Variants in GPC5 observed in about 807,000 individuals in gnomAD.
GPC5 encodes the protein glypican 5.
In GPC5, 47 loss-of-function variants were observed where a neutral mutation model predicts 53.9. That is an observed-to-expected ratio of 0.87 (90% confidence interval 0.69 to 1.11). The LOEUF is 1.11. GPC5 is among the 50% of genes most tolerant of loss of function. GPC5 has a pLI of 0.00. For synonymous variants in GPC5, 286 were observed against 263.3 expected (o/e 1.09, Z -0.84); for missense variants, 748 against 713.1 (o/e 1.05, Z -0.56).
chr13:92,035,500 A>G (rs2040885781), intron 6 of GPC5, among the ~76,000 whole-genome samples: 3 of 152,106 alleles, frequency 2.0e-5, no homozygotes, highest in Admixed American at 6.6e-5. Flanking sequence ...TGTTTGTGTC[A>G]GTTCTCCCAC....
At chr13:92,697,028 G>A (rs1372222009) in intron 7 of GPC5, among the ~76,000 whole-genome samples, 1 of 151,834 alleles carries the variant, frequency 6.6e-6, no homozygotes, top group African/African-American at 2.4e-5. Flanking sequence ...CATGATTTCT[G>A]AGGCCTCTGT....
chr13:91,870,793 T>C (rs2039135683), intron 5 of GPC5, among the ~76,000 whole-genome samples: 1 of 152,234 alleles, frequency 6.6e-6, no homozygotes, highest in Non-Finnish European at 1.5e-5. Context: ...GCTTAAACAT[T>C]GACATGTTAG....
intron 7 of GPC5, among the ~76,000 whole-genome samples, chr13:92,596,514 G>A (rs997712531): frequency 7.9e-5 from 12 of 151,486 alleles, no homozygotes; most frequent in African/African-American, 1.7e-4. Flanking sequence ...TCACTCTGTC[G>A]CCAGGCTGGA....
At chr13:92,497,083 T>G (rs1165417320) in intron 7 of GPC5, among the ~76,000 whole-genome samples, 1 of 152,216 alleles carries the variant, frequency 6.6e-6, no homozygotes, top group East Asian at 1.9e-4. Context: ...TAATTTCTTT[T>G]GCTGTGCAGA....
At chr13:91,718,606 A>C (rs958129860) in intron 3 of GPC5, among the ~76,000 whole-genome samples, 4 of 151,344 alleles carry the variant, frequency 2.6e-5, no homozygotes, top group African/African-American at 9.9e-5. Context: ...GAAAATTATT[A>C]TATTTTCTTG....
chr13:92,769,454 C>T (rs1479555034), intron 7 of GPC5, among the ~76,000 whole-genome samples: 1 of 151,556 alleles, frequency 6.6e-6, no homozygotes, highest in East Asian at 1.9e-4. Flanking sequence ...GTTGGCTGGG[C>T]CTGGTGGATA....
intron 7 of GPC5, among the ~76,000 whole-genome samples, chr13:92,590,777 GTTTA>G (rs1883688410): frequency 1.3e-5 from 2 of 152,192 alleles, no homozygotes; most frequent in Admixed American, 6.5e-5. Flanking sequence ...TCCTTGTTGA[GTTTA>G]TTTATTGAGC....
chr13:92,089,014 A>G (rs1277634444), intron 6 of GPC5, among the ~76,000 whole-genome samples: 1 of 152,204 alleles, frequency 6.6e-6, no homozygotes, highest in East Asian at 1.9e-4. Context: ...TTTATCTAGA[A>G]AAATGTCACT....
At chr13:92,086,805 C>T (rs1286612780) in intron 6 of GPC5, among the ~76,000 whole-genome samples, 4 of 152,060 alleles carry the variant, frequency 2.6e-5, no homozygotes, top group Non-Finnish European at 5.9e-5. Context: ...ATTACAGGCA[C>T]CTGCCAACAT....
At chr13:91,628,926 T>C (rs1440313564) in intron 2 of GPC5, among the ~76,000 whole-genome samples, 1 of 152,146 alleles carries the variant, frequency 6.6e-6, no homozygotes, top group African/African-American at 2.4e-5. Flanking sequence ...AGTGTTGAAA[T>C]ATACACTGGG....
At chr13:92,152,774 C>A (rs1400644723) in intron 7 of GPC5, among the ~76,000 whole-genome samples, 2 of 150,382 alleles carry the variant, frequency 1.3e-5, no homozygotes, top group Non-Finnish European at 3.0e-5. Flanking sequence ...AAAGTACAGG[C>A]AGAGGCACAG....
intron 7 of GPC5, among the ~76,000 whole-genome samples, chr13:92,771,374 G>C (rs1023306201): frequency 6.6e-6 from 1 of 151,974 alleles, no homozygotes; most frequent in Non-Finnish European, 1.5e-5. Flanking sequence ...ACAGAGTCTC[G>C]CTCTGTCGCC....
chr13:91,910,922 AAACAGGAT>A (rs2039603848), intron 6 of GPC5, among the ~76,000 whole-genome samples: 1 of 152,164 alleles, frequency 6.6e-6, no homozygotes, highest in Admixed American at 6.5e-5. Flanking sequence ...TAAACAAACC[AAACAGGAT>A]GAGGTAGGGA....
chr13:91,769,864 G>A (rs1038029497), intron 5 of GPC5, among the ~76,000 whole-genome samples: 3 of 152,122 alleles, frequency 2.0e-5, no homozygotes, highest in South Asian at 2.1e-4. Context: ...CAACTGTCCA[G>A]TTCTCTTTGA....
At chr13:92,308,290 C>T (rs1179882253) in intron 7 of GPC5, among the ~76,000 whole-genome samples, 2 of 152,062 alleles carry the variant, frequency 1.3e-5, no homozygotes, top group Admixed American at 6.5e-5. Context: ...TGCACTGTGC[C>T]GCCTGGCAGC....
At chr13:91,962,986 C>T (rs997493725) in intron 6 of GPC5, among the ~76,000 whole-genome samples, 4 of 152,098 alleles carry the variant, frequency 2.6e-5, no homozygotes, top group African/African-American at 9.7e-5. Flanking sequence ...ATTATTTCTG[C>T]CTTCTGGGTG....
At chr13:92,433,044 T>C (rs1456046345) in intron 7 of GPC5, among the ~76,000 whole-genome samples, 1 of 151,816 alleles carries the variant, frequency 6.6e-6, no homozygotes, top group Non-Finnish European at 1.5e-5. Flanking sequence ...AATTAAGCAG[T>C]TGTTGAAGGA....
chr13:91,508,361 C>A (rs1331907468), intron 2 of GPC5, among the ~76,000 whole-genome samples: 1 of 152,126 alleles, frequency 6.6e-6, no homozygotes, highest in Non-Finnish European at 1.5e-5. Context: ...AATGTTCAGT[C>A]CAATGAGCCA....
chr13:91,639,499 T>G (rs989435107), intron 2 of GPC5, among the ~76,000 whole-genome samples: 6 of 152,242 alleles, frequency 3.9e-5, no homozygotes, highest in Non-Finnish European at 8.8e-5. Context: ...TTTATCGTAA[T>G]TGACGTCAAA....
Sources: allele counts gnomAD v4.1 joint callset (sites outside exome capture counted in the v4.1 genomes callset), GRCh38; gene constraint gnomAD v4.1.1; transcripts MANE v1.5; gene names NCBI Gene and HGNC (gene_info 2026-07-23, HGNC 2026-07-21).